Variants in MGA observed in about 807,000 individuals in gnomAD.
MGA encodes MAX gene-associated protein.
A neutral mutation model predicts 261.1 loss-of-function variants in MGA; 40 were observed. The observed-to-expected ratio is 0.15, with a 90% CI of 0.12 to 0.20. The LOEUF (loss-of-function observed/expected upper bound fraction) is 0.20, where lower values mean the gene tolerates loss of function less well. Ranked by LOEUF, MGA falls within the 10% of genes least tolerant of loss-of-function variation. The probability of loss-of-function intolerance (pLI) is 1.00; values close to 1 mark genes in which losing one functional copy is unlikely to be tolerated. For synonymous variants in MGA, 1,302 were observed against 1,290.6 expected (o/e 1.01, Z -0.19); for missense variants, 3,397 against 3,630.5 (o/e 0.94, Z 1.65).
In MGA at chr15:41,764,952, T is replaced by C; in HGVS notation, c.7811T>C (p.Leu2604Ser). 6.2e-6 allele frequency: 10 copies of C among 1,614,046 alleles called. No individual in the cohort carries two copies. Among genetic ancestry groups the C allele is most frequent in the Non-Finnish European group, 8.5e-6 (10 of 1,179,890 alleles). Residue 2604 changes from leucine (L) to serine (S), a missense_variant, in exon 23 of 24, where the codon TTG becomes TCG. Physicochemically the swap from Leu to Ser is moderately radical, Grantham distance 145 (BLOSUM62 -2). Around this residue, in one of 9 missense-constraint regions of MGA, gnomAD observed 647 missense variants for 642.4 expected, o/e 1.01. Coordinates refer to ENST00000219905, the MANE Select transcript of MGA (RefSeq NM_001164273.2). ...CTTGTGATGACTCCGCAAGGGCAATTGCTCACCCTAAAAGGTCCCCTATTC... is the reference window on the plus strand; with the variant it reads ...CTTGTGATGACTCCGCAAGGGCAATCGCTCACCCTAAAAGGTCCCCTATTC...
At chr15:41,688,579 T>G (rs2059095022) in intron 2 of MGA, among the ~76,000 whole-genome samples, 1 of 152,240 alleles carries the variant, frequency 6.6e-6, no homozygotes, top group African/African-American at 2.4e-5. Flanking sequence ...TGGACTGTTT[T>G]GTTCATTTAC....
At position 41,766,663 on chromosome 15, in the gene MGA, C is replaced by T. The variant is rs749267770; in HGVS notation, c.8581C>T (p.Arg2861Trp). The T allele has an allele frequency of 3.0e-5, 49 of 1,613,850 alleles. No individual in the cohort carries two copies. The highest frequency in any genetic ancestry group is 9.3e-5 in the African/African-American group (7 of 74,910). Residue 2861 changes from arginine (R) to tryptophan (W), a missense_variant, in exon 24 of 24, where the codon CGG (arginine) becomes TGG (tryptophan). Around this residue, in one of 9 missense-constraint regions of MGA, gnomAD observed 647 missense variants for 642.4 expected, o/e 1.01. Coordinates refer to ENST00000219905, the MANE Select transcript of MGA (RefSeq NM_001164273.2). ...TACAGAGTTCCCAGGGGATGCTCGG[C>T]GGGCTTTTATTAGTAAGGTTCCTCC...
intron 1 of MGA, among the ~76,000 whole-genome samples, chr15:41,630,644 T>C (rs997644755): frequency 1.3e-5 from 2 of 152,194 alleles, no homozygotes; most frequent in African/African-American, 2.4e-5. Context: ...CAGAGACATA[T>C]TAGGAATGTT....
rs781081524 is a variant in MGA, at chr15:41,669,023, T to C, written c.129T>C (p.Thr43=). Residue 43 remains threonine (T), a synonymous_variant, in exon 2 of 24, where the codon ACT becomes ACC. Transcript: ENST00000219905. ...AAACTGATCAAGGAATTTTGGTTAC[T>C]AATCAGGATGCCTGTGCTTTGGCTA... 5 of 1,613,690 alleles carry C rather than the reference T, an allele frequency of 3.1e-6. No homozygotes were observed. In the Admixed American group the frequency reaches 6.7e-5, roughly 22 times the overall value.
At chr15:41,704,916 T>G (rs1363803153) in intron 5 of MGA, among the ~76,000 whole-genome samples, 2 of 150,762 alleles carry the variant, frequency 1.3e-5, no homozygotes, top group Non-Finnish European at 3.0e-5. Flanking sequence ...GTAATGACAT[T>G]ATAACACATT....
Position 41,625,158 on chromosome 15 carries a change from G to T in MGA, c.-68+3860G>T, listed in dbSNP as rs1281192141. Among the ~76,000 whole-genome samples, 3 of 152,070 alleles carry T rather than the reference G, an allele frequency of 2.0e-5. No homozygotes were observed. In the East Asian group the frequency reaches 5.8e-4, roughly 29 times the overall value. On this transcript the variant is annotated intron_variant, in intron 1 of 8. Transcript: ENST00000566718. The stretch of plus-strand genomic sequence containing the variant: ...CCCAGGCTCAACAAAAGAGAAAGGA[G>T]CTGTTCTACTAAGCATGACTGTCGA...
intron 15 of MGA, among the ~76,000 whole-genome samples, chr15:41,745,172 C>T (rs974718700): frequency 1.3e-5 from 2 of 151,578 alleles, no homozygotes; most frequent in Non-Finnish European, 2.9e-5. Context: ...TGAGCCACAG[C>T]GCCTGGCTGT....
At chr15:41,758,426 T>G (rs2063264994) in intron 19 of MGA, among the ~76,000 whole-genome samples, 1 of 152,076 alleles carries the variant, frequency 6.6e-6, no homozygotes, top group Non-Finnish European at 1.5e-5. Flanking sequence ...AAGTAGAGGG[T>G]GGCATTTGGT....
At chr15:41,632,256 T>C (rs971575459) in intron 1 of MGA, among the ~76,000 whole-genome samples, 5 of 152,222 alleles carry the variant, frequency 3.3e-5, no homozygotes, top group African/African-American at 1.2e-4. Context: ...TACTCAATTC[T>C]GTTGTGGTAG....
At chr15:41,765,294 A>G (rs1741120673) in intron 23 of MGA, among the ~76,000 whole-genome samples, 1 of 152,212 alleles carries the variant, frequency 6.6e-6, no homozygotes, top group African/African-American at 2.4e-5. Context: ...AGTAATTTCT[A>G]AGAGGAAGAA....
At chr15:41,736,131 T>C in intron 12 of MGA, 50 bp from the exon 13 acceptor site, 1 of 1,386,658 alleles carries the variant, frequency 7.2e-7, no homozygotes, top group Non-Finnish European at 9.5e-7. Flanking sequence ...AATGCTGTGA[T>C]GCAGAAATAA....
intron 2 of MGA, among the ~76,000 whole-genome samples, chr15:41,695,806 A>G (rs1417938987): frequency 1.3e-5 from 2 of 152,218 alleles, no homozygotes; most frequent in East Asian, 1.9e-4. Flanking sequence ...TGTGAATTTA[A>G]TCTCAAAACA....
At position 41,749,955 on chromosome 15, in the gene MGA, G is replaced by A; in HGVS notation, c.6348G>A (p.Gln2116=). The change falls in exon 17 of 24, where the codon CAG becomes CAA. Residue 2116 remains glutamine (Q), a synonymous_variant. Transcript: ENST00000219905. ...AACTTGGTGATGTGAAGGTGGAACA[G>A]CAGAAAGGATTTGACAATCCAGAAG... 6.2e-7 allele frequency: 1 copy of A among 1,613,412 alleles called. No individual in the cohort carries two copies. The highest frequency in any genetic ancestry group is 8.5e-7 in the Non-Finnish European group (1 of 1,179,748).
rs1465468752 is a variant in MGA, at chr15:41,743,162, C to T, written c.5202C>T (p.Ser1734=). Residue 1734 remains serine, a synonymous_variant, in exon 15 of 24, where the codon AGC becomes AGT. Transcript: ENST00000219905. ...GAATTAATGGGAGTCCACCAGTGAG[C>T]CAGAGACCAGGTAAGGCCTAGATGT... The T allele has an allele frequency of 6.2e-7, 1 of 1,608,110 alleles. No individual in the cohort carries two copies.
chr15:41,731,577 G>C (rs1178992851), intron 11 of MGA, among the ~76,000 whole-genome samples: 1 of 152,148 alleles, frequency 6.6e-6, no homozygotes, highest in Non-Finnish European at 1.5e-5. Flanking sequence ...GGTAGGTCTG[G>C]CTTTTAGGGA....
In MGA at chr15:41,699,057, G is replaced by A. The variant is rs770267317; in HGVS notation, c.2093-7G>A. Reference sequence around the variant, plus strand: ...GCTTATTTTATTACTATTTATTTTGGGTGTAGGTTACAGAGCAAGAATTTC... The same window carrying A: ...GCTTATTTTATTACTATTTATTTTGAGTGTAGGTTACAGAGCAAGAATTTC... On this transcript the variant is annotated splice_polypyrimidine_tract_variant and splice_region_variant and intron_variant, in intron 4 of 23. Coordinates refer to ENST00000219905, the MANE Select transcript of MGA (RefSeq NM_001164273.2). 3.1e-6 allele frequency: 5 copies of A among 1,606,030 alleles called. 1 individual carries two copies. In the South Asian group the frequency reaches 5.6e-5, roughly 18 times the overall value.
intron 9 of MGA, among the ~76,000 whole-genome samples, chr15:41,726,337 T>C (rs1440429946): frequency 6.6e-6 from 1 of 152,204 alleles, no homozygotes; most frequent in Non-Finnish European, 1.5e-5. Context: ...ACACATGAAG[T>C]GCTTAGCACA....
rs764802079 is a variant in MGA at position 41,742,929 on chromosome 15, A to C, written c.4969A>C (p.Thr1657Pro). The C allele has an allele frequency of 3.1e-6, 5 of 1,614,016 alleles. No homozygotes were observed. Among genetic ancestry groups the C allele is most frequent in the Non-Finnish European group, 4.2e-6 (5 of 1,179,886 alleles). Residue 1657 changes from threonine to proline, a missense_variant, in exon 15 of 24, where the codon ACT becomes CCT. Transcript: ENST00000219905. ...TGTAACATCTACCCAGTCTACAGCC[A>C]CTGTGAACCTTACCAAAACCACTGG...
intron 1 of MGA, among the ~76,000 whole-genome samples, chr15:41,623,563 G>A (rs1436949871): frequency 6.6e-6 from 1 of 151,818 alleles, no homozygotes; most frequent in Non-Finnish European, 1.5e-5. Flanking sequence ...TGACCAACAT[G>A]GAAAAACCCC....
Sources: allele counts gnomAD v4.1 joint callset (sites outside exome capture counted in the v4.1 genomes callset), GRCh38; gene constraint gnomAD v4.1.1; regional missense constraint gnomAD v4.1.1; transcripts MANE v1.5; gene names NCBI Gene and HGNC (gene_info 2026-07-23, HGNC 2026-07-21).